MME: variants seen among roughly 807,000 people sequenced by gnomAD.
MME encodes the protein neprilysin.
MME carries 98 observed loss-of-function variants against 113.2 expected under a neutral mutation model. The ratio of observed to expected loss-of-function variants is 0.87; its 90% confidence interval spans 0.74 to 1.02. The LOEUF is 1.02. Ranked by LOEUF, MME falls within the 50% of genes least tolerant of loss-of-function variation. The pLI is 0.00. For synonymous variants in MME, 292 were observed against 300.6 expected (o/e 0.97, Z 0.30); for missense variants, 836 against 896.0 (o/e 0.93, Z 0.86).
chr3:155,067,485 A>G (rs952686210), intron 1 of MME, among the ~76,000 whole-genome samples: 5 of 151,288 alleles, frequency 3.3e-5, no homozygotes, highest in Non-Finnish European at 7.4e-5. Flanking sequence ...TAATTTTTGT[A>G]TTTTTAGTGG....
chr3:155,038,887 G>C (rs1248944721), intron 1 of MME, among the ~76,000 whole-genome samples: 1 of 152,024 alleles, frequency 6.6e-6, no homozygotes, highest in Non-Finnish European at 1.5e-5. Context: ...TTGCTTTGGG[G>C]CATTATCAAG....
intron 1 of MME, among the ~76,000 whole-genome samples, chr3:155,062,211 A>G (rs973384751): frequency 1.3e-5 from 2 of 152,072 alleles, no homozygotes; most frequent in Non-Finnish European, 2.9e-5. Flanking sequence ...GTATCTATCT[A>G]CTTACCTTTG....
At chr3:155,058,129 G>A (rs1176715085) in intron 1 of MME, among the ~76,000 whole-genome samples, 1 of 151,978 alleles carries the variant, frequency 6.6e-6, no homozygotes, top group Non-Finnish European at 1.5e-5. Flanking sequence ...AATAAACCTT[G>A]TATTAACCCC....
At chr3:155,164,865 C>G (rs1722973970) in intron 17 of MME, among the ~76,000 whole-genome samples, 1 of 152,152 alleles carries the variant, frequency 6.6e-6, no homozygotes, top group African/African-American at 2.4e-5. Flanking sequence ...AATGTTATGG[C>G]AACTTTCCAA....
At chr3:155,104,719 G>A (rs904986724) in intron 3 of MME, among the ~76,000 whole-genome samples, 2 of 152,196 alleles carry the variant, frequency 1.3e-5, no homozygotes, top group Non-Finnish European at 2.9e-5. Flanking sequence ...GGGAACTTGG[G>A]ATCTACCTGA....
chr3:155,084,841 C>A (rs1576699116), intron 2 of MME, among the ~76,000 whole-genome samples: 1 of 152,074 alleles, frequency 6.6e-6, no homozygotes, highest in Non-Finnish European at 1.5e-5. Flanking sequence ...GATATAATAA[C>A]ACATTTTTCT....
rs376836069 is a variant in MME at position 155,041,196 on chromosome 3, G to T, written c.-11+16872G>T. Among the ~76,000 whole-genome samples, 9 of 152,086 alleles carry T rather than the reference G, an allele frequency of 5.9e-5. No homozygotes were observed. The East Asian group carries it at 1.6e-3, about 26-fold the overall frequency. On this transcript the variant is annotated intron_variant, in intron 1 of 22. Transcript: ENST00000492661. ...ATTCTCTTTGTCTCTATAATCATCA[G>T]TCTGGTCCATGTCACCATGTCACTC...
intron 16 of MME, among the ~76,000 whole-genome samples, chr3:155,156,697 G>A (rs1722327586): frequency 6.6e-6 from 1 of 152,110 alleles, no homozygotes; most frequent in African/African-American, 2.4e-5. Context: ...AGTGATTATT[G>A]TGATTACAAG....
At position 155,153,090 on chromosome 3, in the gene MME, G is replaced by A. The variant is rs917755521; in HGVS notation, c.1601+4437G>A. Among the ~76,000 whole-genome samples, 4 of 151,050 alleles carry A rather than the reference G, an allele frequency of 2.6e-5. No homozygotes were observed. The East Asian group carries it at 7.9e-4, about 30-fold the overall frequency. On this transcript the variant is annotated intron_variant, in intron 16 of 22. Coordinates refer to ENST00000360490, the MANE Select transcript of MME (RefSeq NM_007289.4). ...CTCACTCTGTCACCCAGGTTGGAGTGCAGTGACACCATCTCGGCTCCCACC... is the reference window on the plus strand; with the variant it reads ...CTCACTCTGTCACCCAGGTTGGAGTACAGTGACACCATCTCGGCTCCCACC...
chr3:155,175,840 A>T (rs1027612462), intron 22 of MME, among the ~76,000 whole-genome samples: 3 of 152,086 alleles, frequency 2.0e-5, no homozygotes, highest in African/African-American at 7.2e-5. Context: ...GCCCTCTTTG[A>T]AATTCTTCTG....
chr3:155,172,433 C>G, intron 21 of MME, 103 bp from the exon 22 acceptor site: 1 of 967,528 alleles, frequency 1.0e-6, no homozygotes, highest in Non-Finnish European at 1.7e-6. Flanking sequence ...TTGAGGAATG[C>G]AGAATTCCAA....
chr3:155,126,062 A>C (rs1719625258), intron 8 of MME, among the ~76,000 whole-genome samples: 1 of 152,218 alleles, frequency 6.6e-6, no homozygotes, highest in African/African-American at 2.4e-5. Flanking sequence ...TGACTACACA[A>C]CACTGAAATG....
intron 3 of MME, among the ~76,000 whole-genome samples, chr3:155,100,403 C>G (rs1054292819): frequency 2.0e-5 from 3 of 152,148 alleles, no homozygotes; most frequent in Non-Finnish European, 4.4e-5. Context: ...CAAGAAACAA[C>G]AGGTGCTGGA....
intron 1 of MME, among the ~76,000 whole-genome samples, chr3:155,082,876 C>G (rs1460462684): frequency 6.6e-6 from 1 of 152,170 alleles, no homozygotes; most frequent in Non-Finnish European, 1.5e-5. Context: ...TTCCACAAAA[C>G]ACACCCTTAG....
intron 1 of MME, among the ~76,000 whole-genome samples, chr3:155,032,821 A>T (rs955487880): frequency 6.6e-6 from 1 of 152,206 alleles, no homozygotes; most frequent in African/African-American, 2.4e-5. Flanking sequence ...AGAGATTACA[A>T]AAAATGGAAG....
chr3:155,178,917 A>G (rs1712815414), intron 22 of MME, among the ~76,000 whole-genome samples: 2 of 152,186 alleles, frequency 1.3e-5, no homozygotes, highest in South Asian at 4.1e-4. Context: ...CAGATGTGGA[A>G]CTCAAGGATA....
chr3:155,144,483 A>G, intron 14 of MME, 26 bp downstream of exon 14: 1 of 1,452,352 alleles, frequency 6.9e-7, no homozygotes, highest in East Asian at 2.3e-5. Flanking sequence ...CTAACTAGCA[A>G]AGAAAAATCT....
intron 9 of MME, among the ~76,000 whole-genome samples, chr3:155,139,725 G>A (rs1183520774): frequency 1.3e-5 from 2 of 152,188 alleles, no homozygotes; most frequent in Non-Finnish European, 2.9e-5. Flanking sequence ...TGTTACTTGC[G>A]ATAAATTCTT....
intron 1 of MME, among the ~76,000 whole-genome samples, chr3:155,063,169 A>G (rs1165644362): frequency 6.1e-5 from 8 of 130,862 alleles, no homozygotes; most frequent in African/African-American, 2.4e-4. Context: ...ATAATTATAT[A>G]TATTATATAC....
Sources: allele counts gnomAD v4.1 joint callset (sites outside exome capture counted in the v4.1 genomes callset), GRCh38; gene constraint gnomAD v4.1.1; transcripts MANE v1.5; gene names NCBI Gene and HGNC (gene_info 2026-07-23, HGNC 2026-07-21).